MYCBP2: variants seen among roughly 807,000 people sequenced by gnomAD.
The protein encoded by MYCBP2 is MYC binding protein 2.
In MYCBP2, 120 loss-of-function variants were observed where a neutral mutation model predicts 525.3. The observed-to-expected ratio is 0.23, with a 90% CI of 0.20 to 0.27. The LOEUF is 0.27. Among genes scored for constraint, MYCBP2 ranks in the 10% least tolerant of loss-of-function variants. The pLI, the probability that MYCBP2 is intolerant of heterozygous loss-of-function variation, is 1.00. For synonymous variants in MYCBP2, 1,894 were observed against 1,955.8 expected (o/e 0.97, Z 0.83); for missense variants, 4,149 against 5,657.1 (o/e 0.73, Z 8.55).
chr13:77,065,033 T>C (rs1318329435), intron 72 of MYCBP2, among the ~76,000 whole-genome samples: 3 of 152,186 alleles, frequency 2.0e-5, no homozygotes, highest in South Asian at 2.1e-4. Context: ...ATAACAGAAA[T>C]ACTAAGGTTA....
chr13:77,298,815 C>T (rs2078466876), intron 1 of MYCBP2, among the ~76,000 whole-genome samples: 1 of 152,112 alleles, frequency 6.6e-6, no homozygotes, highest in Admixed American at 6.5e-5. Context: ...GAAAGATTAA[C>T]AGTGCCAAAT....
At chr13:77,184,980 C>G in intron 32 of MYCBP2, 123 bp downstream of exon 32, 1 of 965,740 alleles carries the variant, frequency 1.0e-6, no homozygotes, top group African/African-American at 1.7e-5. Context: ...TCATGTACAC[C>G]GAATGATTTC....
intron 40 of MYCBP2, 82 bp from the exon 41 acceptor site, chr13:77,166,636 G>A (rs547451307): frequency 1.2e-6 from 1 of 830,104 alleles, no homozygotes; most frequent in Admixed American, 2.7e-5. Context: ...GTGTGTGTGT[G>A]TCTATGCTTT....
At chr13:77,174,612 TAAATA>T in intron 36 of MYCBP2, 123 bp from the exon 37 acceptor site, 1 of 724,132 alleles carries the variant, frequency 1.4e-6, no homozygotes, top group Non-Finnish European at 2.2e-6. Flanking sequence ...ATGATATAAT[TAAATA>T]AGTTTTTAAT....
At position 77,096,973 on chromosome 13, in the gene MYCBP2, G is replaced by A. The variant is rs569566858; in HGVS notation, c.9784+397C>T. On this transcript the variant is annotated intron_variant, in intron 56 of 82. Transcript: ENST00000544440. ...CTTCTGATAAAACAATATCACTTCC[G>A]TAGGAAAAAGCCTATAGAAATCAAT... Among the ~76,000 whole-genome samples the A allele has an allele frequency of 1.3e-4, 20 of 152,172 alleles. No individual in the cohort carries two copies. In the East Asian group the frequency reaches 2.3e-3, roughly 18 times the overall value.
chr13:77,256,927 C>CACT (rs746892515), intron 14 of MYCBP2, among the ~76,000 whole-genome samples: 1 of 152,160 alleles, frequency 6.6e-6, no homozygotes, highest in East Asian at 1.9e-4. Flanking sequence ...GAGATATCTG[C>CACT]ACTCTCATGT....
At chr13:77,196,384 T>C (rs2061752744) in intron 26 of MYCBP2, among the ~76,000 whole-genome samples, 1 of 152,142 alleles carries the variant, frequency 6.6e-6, no homozygotes, top group Non-Finnish European at 1.5e-5. Context: ...TGATGCAATC[T>C]GTTGTACATT....
intron 26 of MYCBP2, among the ~76,000 whole-genome samples, chr13:77,198,248 C>A (rs1386557607): frequency 6.6e-6 from 1 of 152,186 alleles, no homozygotes; most frequent in Non-Finnish European, 1.5e-5. Flanking sequence ...TATCACTATA[C>A]TCCATATAAC....
intron 1 of MYCBP2, among the ~76,000 whole-genome samples, chr13:77,304,450 A>G (rs1250353097): frequency 6.6e-6 from 1 of 152,218 alleles, no homozygotes; most frequent in African/African-American, 2.4e-5. Context: ...AGTAGAAAGT[A>G]GAAGAGTTGT....
chr13:77,273,458 T>C lies in MYCBP2; in HGVS notation c.945+14A>G, dbSNP rs757725037. On this transcript the variant is annotated intron_variant, in intron 5 of 82. Transcript: ENST00000544440. ...CATCTTATAAACTTCTAAGCAGATATAAATATGAAATACCTGAATAGTTTG... is the reference window on the plus strand; with the variant it reads ...CATCTTATAAACTTCTAAGCAGATACAAATATGAAATACCTGAATAGTTTG... 1.3e-6 allele frequency: 2 copies of C among 1,555,652 alleles called. No individual in the cohort carries two copies. The highest frequency in any genetic ancestry group is 4.5e-5 in the East Asian group (2 of 44,470).
intron 57 of MYCBP2, 69 bp from the exon 58 acceptor site, chr13:77,095,671 T>C: frequency 1.3e-6 from 2 of 1,511,178 alleles, no homozygotes; most frequent in Middle Eastern, 1.8e-4. Context: ...TTAAGCTAAG[T>C]ATTTTGAGTT....
At chr13:77,277,083 A>C (rs1160758956) in intron 4 of MYCBP2, among the ~76,000 whole-genome samples, 1 of 152,170 alleles carries the variant, frequency 6.6e-6, no homozygotes, top group Non-Finnish European at 1.5e-5. Flanking sequence ...GATACAAAGG[A>C]AAGTATATAA....
chr13:77,173,378 C>T (rs2059323910), intron 37 of MYCBP2, among the ~76,000 whole-genome samples: 1 of 152,170 alleles, frequency 6.6e-6, no homozygotes, highest in African/African-American at 2.4e-5. Flanking sequence ...GAATAATGTA[C>T]TATTTATTGT....
At position 77,190,730 on chromosome 13, in the gene MYCBP2, G is replaced by A. The variant is rs182416756; in HGVS notation, c.4071-395C>T. On this transcript the variant is annotated intron_variant, in intron 28 of 82. Coordinates refer to ENST00000544440, the MANE Select transcript of MYCBP2 (RefSeq NM_015057.5). Reference sequence around the variant, plus strand: ...CTGTCTATGAAAATCATACAGTCCAGGGTCAAAGTAGTCACTTAGTTCTAA... The same window carrying A: ...CTGTCTATGAAAATCATACAGTCCAAGGTCAAAGTAGTCACTTAGTTCTAA... 2.2e-3 allele frequency among the ~76,000 whole-genome samples: 329 copies of A among 152,234 alleles called. 2 individuals carry two copies. The highest frequency in any genetic ancestry group is 2.4e-3 in the Admixed American group (36 of 15,286).
Position 77,071,917 on chromosome 13 carries a change from A to G in MYCBP2, c.11824-1206T>C, listed in dbSNP as rs567601071. ...AATGAAACTGAACCAGAAATTAATAATATAAAGCTAACAGGAAAATTCCCA... is the reference window on the plus strand; with the variant it reads ...AATGAAACTGAACCAGAAATTAATAGTATAAAGCTAACAGGAAAATTCCCA... On this transcript the variant is annotated intron_variant, in intron 68 of 82. Coordinates refer to ENST00000544440, the MANE Select transcript of MYCBP2 (RefSeq NM_015057.5). 3.9e-4 allele frequency among the ~76,000 whole-genome samples: 59 copies of G among 152,330 alleles called. 2 individuals carry two copies. In the South Asian group the frequency reaches 0.012, roughly 31 times the overall value.
chr13:77,210,294 G>A (rs939470311), intron 23 of MYCBP2, among the ~76,000 whole-genome samples: 6 of 149,906 alleles, frequency 4.0e-5, no homozygotes, highest in African/African-American at 9.8e-5. Context: ...CCAGGTTCAC[G>A]CCATTCTCCT....
chr13:77,177,047 T>C (rs898002693), intron 35 of MYCBP2, among the ~76,000 whole-genome samples: 1 of 151,856 alleles, frequency 6.6e-6, no homozygotes, highest in African/African-American at 2.4e-5. Flanking sequence ...TAGAAAGATA[T>C]AGCTCAATCA....
intron 59 of MYCBP2, among the ~76,000 whole-genome samples, chr13:77,091,236 C>T (rs1431508613): frequency 6.6e-6 from 1 of 152,038 alleles, no homozygotes; most frequent in Non-Finnish European, 1.5e-5. Context: ...CTGTACATAA[C>T]TGATTGGCAG....
rs781573977 is a variant in MYCBP2, at chr13:77,176,551, A to G, written c.5418T>C (p.Asp1806=). The change falls in exon 36 of 83, where the codon GAT becomes GAC. Residue 1806 remains aspartate, a synonymous_variant. Transcript: ENST00000544440. ...LELVKGTYTT[D]DSPSDIAEIR... is the part of the protein sequence containing the mutation. ...TCTCAGCTATATCACTGGGTGAGTC[A>G]TCCGTTGTGTACGTTCCTTTCACTA... 1.9e-6 allele frequency: 3 copies of G among 1,601,962 alleles called. No homozygotes were observed. The highest frequency in any genetic ancestry group is 2.6e-6 in the Non-Finnish European group (3 of 1,172,062).
Sources: gnomAD v4.1 joint callset for allele counts (sites outside exome capture counted in the v4.1 genomes callset) on GRCh38, gnomAD v4.1.1 for gene constraint, MANE v1.5 for transcripts, NCBI Gene and HGNC (gene_info 2026-07-23, HGNC 2026-07-21) for gene names.